GREB1L: variants seen among roughly 807,000 people sequenced by gnomAD.
GREB1L encodes the protein GREB1 like retinoic acid receptor coactivator.
GREB1L carries 17 observed loss-of-function variants against 200.8 expected under a neutral mutation model. The ratio of observed to expected loss-of-function variants is 0.08; its 90% CI spans 0.06 to 0.13. The LOEUF (loss-of-function observed/expected upper bound fraction) is 0.13, where lower values mean the gene tolerates loss of function less well. Among genes scored for constraint, GREB1L ranks in the 10% least tolerant of loss-of-function variants. GREB1L has a pLI of 1.00. For synonymous variants in GREB1L, 789 were observed against 893.0 expected (o/e 0.88, Z 2.08); for missense variants, 1,657 against 2,367.7 (o/e 0.70, Z 6.23).
Position 21,499,969 on chromosome 18 carries a change from T to A in GREB1L, c.3632T>A (p.Leu1211His). ...TCATCATCCTCAGGACCCAGGACCCTCCCATGGCCGGGACAGCCCATCAGA... is the reference window on the plus strand; with the variant it reads ...TCATCATCCTCAGGACCCAGGACCCACCCATGGCCGGGACAGCCCATCAGA... The part of the protein sequence containing the change: ...PSSSSSGPRT[L>H]PWPGQPIRGC... The change falls in exon 22 of 33, where the codon CTC becomes CAC. Residue 1211 changes from leucine (L) to histidine (H), a missense_variant. Around this residue, in one of 9 missense-constraint regions of GREB1L, gnomAD observed 512 missense variants for 668.3 expected, o/e 0.77. Transcript: ENST00000424526. 3 of 1,551,264 alleles carry A rather than the reference T, an allele frequency of 1.9e-6. No homozygotes were observed. Among genetic ancestry groups the A allele is most frequent in the Non-Finnish European group, 2.6e-6 (3 of 1,146,890 alleles).
chr18:21,244,032 A>G (rs976181819), intron 1 of GREB1L, among the ~76,000 whole-genome samples: 1 of 152,248 alleles, frequency 6.6e-6, no homozygotes, highest in Non-Finnish European at 1.5e-5. Context: ...AGACTGAACT[A>G]TATATTCGTG....
At chr18:21,349,674 C>T (rs1168399329) in intron 1 of GREB1L, among the ~76,000 whole-genome samples, 2 of 151,892 alleles carry the variant, frequency 1.3e-5, no homozygotes, top group Admixed American at 6.6e-5. Flanking sequence ...GGATCTAGGT[C>T]GCATGCTCCT....
chr18:21,340,057 G>A (rs561090494), intron 1 of GREB1L, among the ~76,000 whole-genome samples: 29 of 152,158 alleles, frequency 1.9e-4, no homozygotes, highest in Non-Finnish European at 1.5e-4. Flanking sequence ...GCCCCCACCC[G>A]CAGGATCTGA....
chr18:21,499,928 C>T lies in GREB1L; in HGVS notation c.3591C>T (p.Thr1197=). The change falls in exon 22 of 33, where the codon ACC becomes ACT. Residue 1197 remains threonine (T), a synonymous_variant. Transcript: ENST00000424526. ...DSLGPQMASS[T]TSKPSSSSSG... ...TGGGCCCCCAGATGGCGAGCAGCAC[C>T]ACCTCCAAGCCGTCATCATCATCCT... 2.6e-6 allele frequency: 4 copies of T among 1,550,022 alleles called. No homozygotes were observed. Among genetic ancestry groups the T allele is most frequent in the Non-Finnish European group, 3.5e-6 (4 of 1,146,212 alleles).
chr18:21,440,124 T>C (rs1415958207), intron 8 of GREB1L, 145 bp from the exon 9 acceptor site: 17 of 803,948 alleles, frequency 2.1e-5, no homozygotes, highest in Non-Finnish European at 3.2e-5. Flanking sequence ...TTTTAAACTT[T>C]ACCTCTAAAG....
chr18:21,428,949 C>T (rs1345558184), intron 7 of GREB1L, among the ~76,000 whole-genome samples: 1 of 152,012 alleles, frequency 6.6e-6, no homozygotes, highest in Non-Finnish European at 1.5e-5. Context: ...AACTCCTGAC[C>T]TCAAGTGATC....
intron 1 of GREB1L, among the ~76,000 whole-genome samples, chr18:21,309,454 C>T (rs892598842): frequency 6.6e-6 from 1 of 152,176 alleles, no homozygotes; most frequent in Non-Finnish European, 1.5e-5. Context: ...CCCTGCATGT[C>T]GTATTCTGAA....
chr18:21,315,725 C>T (rs781362502), intron 1 of GREB1L, among the ~76,000 whole-genome samples: 1 of 152,040 alleles, frequency 6.6e-6, no homozygotes, highest in Admixed American at 6.5e-5. Context: ...TGCTAAAGTA[C>T]GTTTCATCCT....
chr18:21,339,292 A>G (rs565485717), intron 1 of GREB1L, among the ~76,000 whole-genome samples: 1 of 152,314 alleles, frequency 6.6e-6, no homozygotes, highest in African/African-American at 2.4e-5. Context: ...TGGACTAGGA[A>G]TCCCATATTG....
intron 1 of GREB1L, among the ~76,000 whole-genome samples, chr18:21,352,368 A>G (rs2039446318): frequency 6.6e-6 from 1 of 152,030 alleles, no homozygotes; most frequent in South Asian, 2.1e-4. Flanking sequence ...TCCAAAGTCA[A>G]TAATGGTATT....
At chr18:21,491,247 A>AT (rs1242372884) in intron 19 of GREB1L, among the ~76,000 whole-genome samples, 3 of 152,174 alleles carry the variant, frequency 2.0e-5, no homozygotes, top group Non-Finnish European at 4.4e-5. Context: ...GCTGAGCTAA[A>AT]TTGGGTTAAG....
intron 1 of GREB1L, among the ~76,000 whole-genome samples, chr18:21,352,831 G>A (rs1646079375): frequency 6.6e-6 from 1 of 151,996 alleles, no homozygotes; most frequent in African/African-American, 2.4e-5. Context: ...CCCACATAAT[G>A]TGATTATATC....
chr18:21,480,969 G>A (rs1295078177), intron 17 of GREB1L, among the ~76,000 whole-genome samples: 2 of 151,836 alleles, frequency 1.3e-5, no homozygotes, highest in African/African-American at 2.4e-5. Context: ...GCAAAGAGCC[G>A]AGATAGCACC....
At chr18:21,283,550 C>T (rs1188632360) in intron 1 of GREB1L, among the ~76,000 whole-genome samples, 2 of 152,096 alleles carry the variant, frequency 1.3e-5, no homozygotes, top group African/African-American at 4.8e-5. Flanking sequence ...TTCTTTTAAA[C>T]CAAAAACAAA....
chr18:21,298,985 A>C (rs887128980), intron 1 of GREB1L, among the ~76,000 whole-genome samples: 5 of 152,028 alleles, frequency 3.3e-5, no homozygotes, highest in African/African-American at 1.2e-4. Flanking sequence ...AAGGCTAAAG[A>C]ATCTTCAAAA....
chr18:21,377,638 G>C (rs2040124945), intron 2 of GREB1L, among the ~76,000 whole-genome samples: 1 of 152,150 alleles, frequency 6.6e-6, no homozygotes, highest in Non-Finnish European at 1.5e-5. Context: ...GGAGGTTGCA[G>C]TGAGCCAAGA....
chr18:21,460,236 A>G (rs1303062469), intron 15 of GREB1L, among the ~76,000 whole-genome samples: 1 of 152,168 alleles, frequency 6.6e-6, no homozygotes, highest in East Asian at 1.9e-4. Context: ...GTACAATGGC[A>G]TGATCTCGGC....
intron 1 of GREB1L, among the ~76,000 whole-genome samples, chr18:21,364,856 A>G (rs1282003119): frequency 6.7e-6 from 1 of 149,566 alleles, no homozygotes; most frequent in East Asian, 1.9e-4. Context: ...TTTTTTAATC[A>G]TTAGGGTCCT....
intron 22 of GREB1L, 91 bp from the exon 23 acceptor site, chr18:21,500,449 A>G (rs2036739284): frequency 1.0e-6 from 1 of 978,596 alleles, no homozygotes; most frequent in East Asian, 2.6e-5. Flanking sequence ...GGCAGGAGAC[A>G]CTGCAGAGCC....
Sources: gnomAD v4.1 joint callset for allele counts (sites outside exome capture counted in the v4.1 genomes callset) on GRCh38, gnomAD v4.1.1 for gene constraint, gnomAD v4.1.1 regional missense constraint, MANE v1.5 for transcripts, NCBI Gene and HGNC (gene_info 2026-07-23, HGNC 2026-07-21) for gene names.